TRPM3: variants seen among roughly 807,000 people sequenced by gnomAD.
The protein encoded by TRPM3 is long transient receptor potential channel 3.
Under a neutral mutation model 181.2 loss-of-function variants are expected in TRPM3, and 77 were observed. The observed-to-expected ratio is 0.42, with a 90% CI of 0.35 to 0.51. TRPM3 has a LOEUF of 0.51. Among genes scored for constraint, TRPM3 ranks in the 20% least tolerant of loss-of-function variants. The pLI is 0.01. For missense variants in TRPM3, 1,759 were observed against 2,196.7 expected (o/e 0.80, Z 3.98); for synonymous variants, 745 against 796.4 (o/e 0.94, Z 1.09).
At chr9:71,340,320 A>G (rs1279990413) in intron 1 of TRPM3, among the ~76,000 whole-genome samples, 1 of 152,150 alleles carries the variant, frequency 6.6e-6, no homozygotes, top group African/African-American at 2.4e-5. Context: ...ATAGCTAAAT[A>G]CAGAGATCAG....
At chr9:70,821,655 A>G (rs1292190861) in intron 6 of TRPM3, among the ~76,000 whole-genome samples, 1 of 152,242 alleles carries the variant, frequency 6.6e-6, no homozygotes, top group Admixed American at 6.5e-5. Context: ...TAATTTACTT[A>G]ACCATCTCTC....
chr9:70,948,423 T>C (rs2096959850), intron 1 of TRPM3, among the ~76,000 whole-genome samples: 1 of 152,222 alleles, frequency 6.6e-6, no homozygotes, highest in Non-Finnish European at 1.5e-5. Flanking sequence ...TGACCTTTCC[T>C]TGTTTTTACT....
At chr9:71,317,723 C>CA (rs2088779282) in intron 1 of TRPM3, among the ~76,000 whole-genome samples, 1 of 151,386 alleles carries the variant, frequency 6.6e-6, no homozygotes, top group Non-Finnish European at 1.5e-5. Flanking sequence ...GAAGGTGCAA[C>CA]AAAAAACCAT....
intron 8 of TRPM3, among the ~76,000 whole-genome samples, chr9:70,683,229 AT>A (rs1191089093): frequency 6.6e-6 from 1 of 151,558 alleles, no homozygotes; most frequent in Non-Finnish European, 1.5e-5. Flanking sequence ...ACTGAAAACA[AT>A]TTTTTTTGAG....
At chr9:70,899,233 C>T (rs1442680233) in intron 1 of TRPM3, among the ~76,000 whole-genome samples, 1 of 152,190 alleles carries the variant, frequency 6.6e-6, no homozygotes, top group African/African-American at 2.4e-5. Flanking sequence ...TGATTGTACA[C>T]TTGTCACCAC....
At chr9:71,185,778 A>T (rs1271636866) in intron 1 of TRPM3, among the ~76,000 whole-genome samples, 1 of 152,082 alleles carries the variant, frequency 6.6e-6, no homozygotes, top group East Asian at 1.9e-4. Flanking sequence ...CCTTGAGCTC[A>T]ATGGCCACTC....
intron 1 of TRPM3, among the ~76,000 whole-genome samples, chr9:71,205,861 CTG>C: frequency 6.6e-6 from 1 of 152,312 alleles, no homozygotes; most frequent in South Asian, 2.1e-4. Context: ...ACCTAAATCC[CTG>C]TGTTTGCACA....
At chr9:71,202,352 C>T (rs982523422) in intron 1 of TRPM3, among the ~76,000 whole-genome samples, 1 of 152,160 alleles carries the variant, frequency 6.6e-6, no homozygotes, top group African/African-American at 2.4e-5. Context: ...AACCACTGCT[C>T]TCTTCAAAGA....
intron 1 of TRPM3, among the ~76,000 whole-genome samples, chr9:70,906,936 A>C (rs1832263): frequency 0.39 from 59,169 of 151,982 alleles, 12,492 homozygotes; most frequent in Non-Finnish European, 0.47. Flanking sequence ...AATAAAGTCC[A>C]GATGCAGAAC....
chr9:70,866,020 A>C lies in TRPM3; in HGVS notation c.178-1509T>G, dbSNP rs115271018. Among the ~76,000 whole-genome samples the C allele has an allele frequency of 5.2e-3, 797 of 152,160 alleles. 14 individuals carry two copies. Among genetic ancestry groups the C allele is most frequent in the African/African-American group, 0.018 (767 of 41,544 alleles). ...TCTCAAATATTTTTCTTTTCAAACA[A>C]GTAGAAAAGGCTAGTGGCTACCTCT... On this transcript the variant is annotated intron_variant, in intron 1 of 25. Transcript: ENST00000677713.
intron 1 of TRPM3, among the ~76,000 whole-genome samples, chr9:71,098,205 A>G (rs1023299302): frequency 1.3e-5 from 2 of 152,144 alleles, no homozygotes; most frequent in African/African-American, 4.8e-5. Context: ...CCCAAACAGA[A>G]AAGTAACAAA....
chr9:71,201,986 G>A (rs2078826249), intron 1 of TRPM3, among the ~76,000 whole-genome samples: 1 of 152,092 alleles, frequency 6.6e-6, no homozygotes, highest in African/African-American at 2.4e-5. Flanking sequence ...TTTGATGATG[G>A]TGATGTACAG....
chr9:71,309,641 AT>A, intron 1 of TRPM3, among the ~76,000 whole-genome samples: 1 of 152,308 alleles, frequency 6.6e-6, no homozygotes, highest in Non-Finnish European at 1.5e-5. Context: ...GGGCACATGA[AT>A]AACACTGTAT....
intron 1 of TRPM3, among the ~76,000 whole-genome samples, chr9:71,361,930 G>A (rs1391106576): frequency 6.6e-6 from 1 of 152,056 alleles, no homozygotes; most frequent in Non-Finnish European, 1.5e-5. Flanking sequence ...AAGCTAGTGT[G>A]TAAAAAGAGA....
intron 1 of TRPM3, among the ~76,000 whole-genome samples, chr9:71,360,252 C>T (rs777117149): frequency 3.3e-5 from 5 of 152,108 alleles, no homozygotes; most frequent in Non-Finnish European, 4.4e-5. Context: ...AGTCAGGAGT[C>T]CAGTTCTAAT....
At chr9:70,947,721 C>T (rs115142941) in intron 1 of TRPM3, among the ~76,000 whole-genome samples, 1,614 of 152,164 alleles carry the variant, frequency 0.011, 36 homozygotes, top group African/African-American at 0.036. Context: ...GTGACAGCAA[C>T]GTGCTTTCAA....
chr9:70,545,300 T>C (rs549680977), intron 25 of TRPM3, among the ~76,000 whole-genome samples: 2 of 152,286 alleles, frequency 1.3e-5, no homozygotes, highest in South Asian at 4.1e-4. Flanking sequence ...ATAAAGGAAT[T>C]AAATCTAGGC....
chr9:71,446,285 C>T (rs2094202361), intron 1 of TRPM3, among the ~76,000 whole-genome samples: 1 of 152,166 alleles, frequency 6.6e-6, no homozygotes, highest in East Asian at 1.9e-4. Flanking sequence ...CGAGTACCTT[C>T]GACATGCTGC....
At position 71,048,190 on chromosome 9, in the gene TRPM3, G is replaced by A. The variant is rs562370866; in HGVS notation, c.177+72988C>T. Among the ~76,000 whole-genome samples the A allele has an allele frequency of 2.0e-5, 3 of 152,284 alleles. No individual in the cohort carries two copies. In the South Asian group the frequency reaches 6.2e-4, roughly 32 times the overall value. ...TAACACTTTTATTAAAGGAAGAAGA[G>A]TATACATTTTCATCATTCCATCCCC... On this transcript the variant is annotated intron_variant, in intron 1 of 25. Coordinates refer to ENST00000677713, the MANE Select transcript of TRPM3 (RefSeq NM_001366145.2).
Sources: allele counts gnomAD v4.1 joint callset (sites outside exome capture counted in the v4.1 genomes callset), GRCh38; gene constraint gnomAD v4.1.1; transcripts MANE v1.5; gene names NCBI Gene and HGNC (gene_info 2026-07-23, HGNC 2026-07-21).